Variants in MYCBP2 observed in about 807,000 individuals in gnomAD.
MYCBP2 encodes the protein E3 ubiquitin-protein ligase MYCBP2.
In MYCBP2, 120 loss-of-function variants were observed where a neutral mutation model predicts 525.3. The observed-to-expected ratio is 0.23, with a 90% CI of 0.20 to 0.27. The LOEUF (loss-of-function observed/expected upper bound fraction) is 0.27. MYCBP2 is among the 10% of genes least tolerant of loss of function. The pLI, the probability that MYCBP2 is intolerant of heterozygous loss-of-function variation, is 1.00. For missense variants in MYCBP2, 4,149 were observed against 5,657.1 expected (o/e 0.73, Z 8.55); for synonymous variants, 1,894 against 1,955.8 (o/e 0.97, Z 0.83).
At chr13:77,284,505 A>T (rs2154355576) in intron 3 of MYCBP2, among the ~76,000 whole-genome samples, 1 of 152,314 alleles carries the variant, frequency 6.6e-6, no homozygotes, top group Admixed American at 6.5e-5. Context: ...GCCAAAAAAT[A>T]TCACCTGAAA....
chr13:77,139,176 TA>T lies in MYCBP2; in HGVS notation c.7659+19del. ...AACAGCGTGTATCTATAATGCTTTTTAAAACCACCTTTTACTTACGTCAACA... is the reference window on the plus strand; with the variant it reads ...AACAGCGTGTATCTATAATGCTTTTTAAACCACCTTTTACTTACGTCAACA... On this transcript the variant is annotated intron_variant, in intron 52 of 82. Coordinates refer to ENST00000544440, the MANE Select transcript of MYCBP2 (RefSeq NM_015057.5). The T allele has an allele frequency of 6.2e-7, 1 of 1,609,002 alleles. No homozygotes were observed. The highest frequency in any genetic ancestry group is 1.1e-5 in the South Asian group (1 of 90,382).
Position 77,097,378 on chromosome 13 carries a change from G to T in MYCBP2, c.9776C>A (p.Ala3259Asp). 1.9e-6 allele frequency: 3 copies of T among 1,599,038 alleles called. No homozygotes were observed. The East Asian group carries it at 6.7e-5, about 36-fold the overall frequency. Residue 3259 changes from alanine to aspartate, a missense_variant, in exon 56 of 83, where the codon GCT becomes GAT. Physicochemically the swap from Ala to Asp is moderately radical, Grantham distance 126. Transcript: ENST00000544440. ...PYPVTYHMRQ[A>D]HPGCGRYAGG... ...TCAACAGTATCATTTACCTGGGTGAGCTTGTCTCATGTGATAGGTCACCGG... is the reference window on the plus strand; with the variant it reads ...TCAACAGTATCATTTACCTGGGTGATCTTGTCTCATGTGATAGGTCACCGG...
At chr13:77,198,630 T>A (rs1317882684) in intron 26 of MYCBP2, among the ~76,000 whole-genome samples, 1 of 152,226 alleles carries the variant, frequency 6.6e-6, no homozygotes, top group Non-Finnish European at 1.5e-5. Flanking sequence ...AGAATGAACA[T>A]ATACTTTGTT....
intron 26 of MYCBP2, among the ~76,000 whole-genome samples, chr13:77,197,676 G>T (rs2061901618): frequency 6.6e-6 from 1 of 152,064 alleles, no homozygotes; most frequent in Admixed American, 6.5e-5. Flanking sequence ...TGGCCAGGTG[G>T]AAGGGGATGA....
intron 17 of MYCBP2, among the ~76,000 whole-genome samples, chr13:77,241,509 T>A (rs2068818723): frequency 6.6e-6 from 1 of 152,174 alleles, no homozygotes; most frequent in African/African-American, 2.4e-5. Context: ...GAAAAAATTA[T>A]ATCAACATAA....
In MYCBP2 at chr13:77,217,837, T is replaced by C. The variant is rs2065033804; in HGVS notation, c.3057+3A>G. ...TATTATTAATGTTTTAAAAATTCCTTACAGAAAAACTTCCAAATGTGAAGA... is the reference window on the plus strand; with the variant it reads ...TATTATTAATGTTTTAAAAATTCCTCACAGAAAAACTTCCAAATGTGAAGA... On this transcript the variant is annotated splice_donor_region_variant and intron_variant, in intron 21 of 82. Transcript: ENST00000544440. The C allele has an allele frequency of 1.3e-6, 2 of 1,586,438 alleles. No individual in the cohort carries two copies. The highest frequency in any genetic ancestry group is 1.7e-6 in the Non-Finnish European group (2 of 1,163,404).
At chr13:77,134,881 T>C (rs759192253) in intron 52 of MYCBP2, among the ~76,000 whole-genome samples, 1 of 152,242 alleles carries the variant, frequency 6.6e-6, no homozygotes, top group Non-Finnish European at 1.5e-5. Flanking sequence ...CTAAAGTTCA[T>C]ACTTAACGAT....
At chr13:77,169,787 T>TG in intron 38 of MYCBP2, 73 bp from the exon 39 acceptor site, 2 of 1,223,748 alleles carry the variant, frequency 1.6e-6, no homozygotes, top group Non-Finnish European at 2.4e-6. Context: ...CATGCTGTAC[T>TG]AAATCTATAT....
chr13:77,185,411 C>G, intron 31 of MYCBP2, 34 bp from the exon 32 acceptor site: 1 of 1,583,068 alleles, frequency 6.3e-7, no homozygotes, highest in Non-Finnish European at 8.6e-7. Context: ...GGTAATTAAG[C>G]AAAATATTAA....
chr13:77,261,416 G>A (rs768207525), intron 11 of MYCBP2, 41 bp from the exon 12 acceptor site: 2 of 1,428,262 alleles, frequency 1.4e-6, no homozygotes, highest in Non-Finnish European at 9.6e-7. Context: ...GTACTTTTTG[G>A]AATAGTGCAT....
In MYCBP2 at chr13:77,098,289, A is replaced by C. The variant is rs2046533143; in HGVS notation, c.8865T>G (p.Ser2955Arg). The C allele has an allele frequency of 1.9e-6, 3 of 1,611,784 alleles. No individual in the cohort carries two copies. In the South Asian group the frequency reaches 3.3e-5, roughly 18 times the overall value. Reference sequence around the variant, plus strand: ...AACCTTCATCCACACTCTTAAATTCACTGCTGTCATCGCAGGTGCTGTCTG... The same window carrying C: ...AACCTTCATCCACACTCTTAAATTCCCTGCTGTCATCGCAGGTGCTGTCTG... Reference protein sequence around the residue: ...SLTDSTCDDSSEFKSVDEGSN... With the variant: ...SLTDSTCDDSREFKSVDEGSN... The change falls in exon 56 of 83, where the codon AGT becomes AGG. Residue 2955 changes from serine (S) to arginine (R), a missense_variant. By Grantham distance (110) the Ser-to-Arg change is moderately radical. This residue lies in a region of MYCBP2 where 653 missense variants were observed against 744.7 expected (regional missense o/e 0.88). Transcript: ENST00000544440.
Position 77,165,365 on chromosome 13 carries a change from T to G in MYCBP2, c.6367A>C (p.Thr2123Pro). 6.2e-7 allele frequency: 1 copy of G among 1,602,836 alleles called. No individual in the cohort carries two copies. Among genetic ancestry groups the G allele is most frequent in the East Asian group, 2.2e-5 (1 of 44,582 alleles). ...PGNEALFSLE[T>P]ASDYVKDDKA... The stretch of plus-strand genomic sequence containing the variant: ...TCATCTTTCACATAATCTGATGCAG[T>G]CTCCAATGAAAAAAGGGCCTCATTT... The change falls in exon 42 of 83, where the codon ACT (threonine) becomes CCT (proline). Residue 2123 changes from threonine (T) to proline (P), a missense_variant. Thr to Pro is a conservative substitution (Grantham distance 38). This residue lies in a region of MYCBP2 where 692 missense variants were observed against 852.7 expected (regional missense o/e 0.81). Transcript: ENST00000544440.
At chr13:77,225,665 G>A in intron 18 of MYCBP2, 111 bp from the exon 19 acceptor site, 5 of 1,351,142 alleles carry the variant, frequency 3.7e-6, no homozygotes, top group Non-Finnish European at 5.1e-6. Context: ...AAAGGAACAA[G>A]CAAGAAGAAT....
At chr13:77,273,403 G>T in intron 5 of MYCBP2, 69 bp downstream of exon 5, 2 of 1,362,054 alleles carry the variant, frequency 1.5e-6, no homozygotes, top group South Asian at 1.6e-5. Context: ...AATTCCTATT[G>T]ACAGAAATTG....
intron 1 of MYCBP2, among the ~76,000 whole-genome samples, chr13:77,316,345 G>T (rs979184419): frequency 1.3e-5 from 2 of 152,348 alleles, no homozygotes; most frequent in African/African-American, 2.4e-5. Context: ...CGATCAACCA[G>T]TTCATTCAGG....
chr13:77,129,788 G>GA (rs1328909488), intron 52 of MYCBP2: 3 of 151,352 alleles, frequency 2.0e-5, no homozygotes, highest in Non-Finnish European at 4.4e-5. Flanking sequence ...TTATAAGTAG[G>GA]AAAAAATTCA....
intron 26 of MYCBP2, among the ~76,000 whole-genome samples, chr13:77,203,904 A>G (rs2062952917): frequency 6.6e-6 from 1 of 151,986 alleles, no homozygotes. Context: ...TTCAAGATGG[A>G]TTAAAGACTT....
At chr13:77,079,888 A>C (rs974140369) in intron 65 of MYCBP2, among the ~76,000 whole-genome samples, 3 of 152,198 alleles carry the variant, frequency 2.0e-5, no homozygotes, top group Non-Finnish European at 4.4e-5. Flanking sequence ...GAAGCCTGTT[A>C]AAAGGAAAGT....
At chr13:77,147,672 C>A (rs903890013) in intron 47 of MYCBP2, among the ~76,000 whole-genome samples, 1 of 152,014 alleles carries the variant, frequency 6.6e-6, no homozygotes, top group Non-Finnish European at 1.5e-5. Context: ...AGTCTTTAGC[C>A]ATACAAAGGT....
Sources: gnomAD v4.1 joint callset for allele counts (sites outside exome capture counted in the v4.1 genomes callset) on GRCh38, gnomAD v4.1.1 for gene constraint, gnomAD v4.1.1 regional missense constraint, MANE v1.5 for transcripts, NCBI Gene and HGNC (gene_info 2026-07-23, HGNC 2026-07-21) for gene names.